KATNBL1: variants seen among roughly 807,000 people sequenced by gnomAD.
KATNBL1 encodes KATNB1-like protein 1.
In KATNBL1, 28 loss-of-function variants were observed where a neutral mutation model predicts 44.7. The observed-to-expected ratio is 0.63, with a 90% CI of 0.46 to 0.86. KATNBL1 has a LOEUF of 0.86. KATNBL1 is among the 40% of genes least tolerant of loss of function. The probability of loss-of-function intolerance (pLI) is 0.00; values close to 1 mark genes in which losing one functional copy is unlikely to be tolerated. For missense variants in KATNBL1, 272 were observed against 350.7 expected (o/e 0.78, Z 1.79); for synonymous variants, 78 against 114.9 (o/e 0.68, Z 2.06).
At chr15:34,172,760 G>GAC (rs34182114) in intron 1 of KATNBL1, among the ~76,000 whole-genome samples, 8,046 of 146,418 alleles carry the variant, frequency 0.055, 239 homozygotes, top group Non-Finnish European at 0.069. Flanking sequence ...CACAGACACA[G>GAC]ACACACACAC....
At chr15:34,172,253 A>ATTTTT (rs1260376752) in intron 1 of KATNBL1, among the ~76,000 whole-genome samples, 1 of 46,860 alleles carries the variant, frequency 2.1e-5, no homozygotes, top group Non-Finnish European at 4.6e-5. Flanking sequence ...GGAGGAACAT[A>ATTTTT]TTCTTTTTTT....
chr15:34,161,258 T>C (rs938940928), intron 2 of KATNBL1, among the ~76,000 whole-genome samples: 2 of 152,178 alleles, frequency 1.3e-5, no homozygotes, highest in African/African-American at 4.8e-5. Context: ...TTATTTTTTT[T>C]CCCCCAAGTT....
In KATNBL1 at chr15:34,188,137, T is replaced by TAAAAAA. The variant is rs1201268078; in HGVS notation, c.-15+21808_-15+21813dup. On this transcript the variant is annotated intron_variant, in intron 1 of 9. Coordinates refer to ENST00000256544, the MANE Select transcript of KATNBL1 (RefSeq NM_024713.3). The stretch of plus-strand genomic sequence containing the variant: ...CTGGGTGACAGAGGAAGACGCCATG[T>TAAAAAA]AAAAAAAAAAAAAAAAAAAAAAAAA... Among the ~76,000 whole-genome samples, 102 of 22,098 alleles carry TAAAAAA rather than the reference T, an allele frequency of 4.6e-3. 10 individuals are homozygous for TAAAAAA. Among genetic ancestry groups the TAAAAAA allele is most frequent in the South Asian group, 0.014 (4 of 290 alleles). The allele number at this position is 22,098 out of a possible 152,430, so 14.5% of individuals were successfully genotyped here. A position where few individuals can be genotyped will look rare whatever the true frequency, so the allele number is the denominator to read the frequency against.
chr15:34,189,558 A>T (rs575108014), intron 1 of KATNBL1, among the ~76,000 whole-genome samples: 1 of 152,246 alleles, frequency 6.6e-6, no homozygotes, highest in African/African-American at 2.4e-5. Context: ...AAAAAACTTG[A>T]TATCACAAAA....
chr15:34,207,625 C>G (rs1163398809), intron 1 of KATNBL1, among the ~76,000 whole-genome samples: 1 of 204 alleles, frequency 4.9e-3, no homozygotes, highest in African/African-American at 0.015. Context: ...CAGGTGTGAG[C>G]CACACCAGTT....
chr15:34,140,999 C>T lies in KATNBL1; in HGVS notation c.*1340G>A, dbSNP rs1000939662. 1 of 152,152 alleles carries T rather than the reference C, an allele frequency of 6.6e-6. No individual in the cohort carries two copies. The highest frequency in any genetic ancestry group is 6.5e-5 in the Admixed American group (1 of 15,268). The allele number at this position is 152,152 out of a possible 1,614,324, so 9.4% of individuals were successfully genotyped here. A position where few individuals can be genotyped will look rare whatever the true frequency, so the allele number is the denominator to read the frequency against. On this transcript the variant is annotated 3_prime_UTR_variant, in exon 10 of 10. Coordinates refer to ENST00000256544, the MANE Select transcript of KATNBL1 (RefSeq NM_024713.3). ...TAAACGAATAAATGCTAAAGGTTTA[C>T]ATTCAAGTGCTTGAAGGACTACTGC...
rs1435542996 is a variant in KATNBL1, at chr15:34,151,717, C to A, written c.438+1073G>T. Among the ~76,000 whole-genome samples the A allele has an allele frequency of 3.9e-5, 6 of 151,906 alleles. No homozygotes were observed. The East Asian group carries it at 1.2e-3, about 29-fold the overall frequency. On this transcript the variant is annotated intron_variant, in intron 4 of 9. Transcript: ENST00000256544. ...TGGCCTCCCAAAGTGTGCCACCATG[C>A]CTAGCTAATTTTTGTATTTCTAGTA...
chr15:34,184,570 A>ATCTTT (rs1381320511), intron 1 of KATNBL1, among the ~76,000 whole-genome samples: 1 of 23,238 alleles, frequency 4.3e-5, no homozygotes, highest in Non-Finnish European at 8.9e-5. Context: ...GTCTCTCCTA[A>ATCTTT]TGTTTCTTTT....
intron 1 of KATNBL1, among the ~76,000 whole-genome samples, chr15:34,166,916 A>G (rs970204154): frequency 6.6e-6 from 1 of 152,198 alleles, no homozygotes. Context: ...CAAAAAGGAC[A>G]TCCACACCAA....
intron 1 of KATNBL1, among the ~76,000 whole-genome samples, chr15:34,204,825 TG>T (rs151155614): frequency 0.026 from 3,914 of 152,290 alleles, 175 homozygotes; most frequent in African/African-American, 0.09. Context: ...AAAAGGTAGT[TG>T]GCTAAAATGC....
At chr15:34,206,665 C>A (rs1439185329) in intron 1 of KATNBL1, among the ~76,000 whole-genome samples, 3 of 152,006 alleles carry the variant, frequency 2.0e-5, no homozygotes, top group Admixed American at 1.3e-4. Flanking sequence ...GTGGTGGGTG[C>A]TTGTAATCCC....
chr15:34,202,716 C>T (rs1336027338), intron 1 of KATNBL1, among the ~76,000 whole-genome samples: 2 of 152,114 alleles, frequency 1.3e-5, no homozygotes, highest in Admixed American at 1.3e-4. Flanking sequence ...CTCGGCCAGG[C>T]GCGGTGGTTC....
rs149596860 is a variant in KATNBL1 at position 34,154,046 on chromosome 15, T to A, written c.158+598A>T. Among the ~76,000 whole-genome samples, 981 of 152,348 alleles carry A rather than the reference T, an allele frequency of 6.4e-3. 8 individuals carry two copies. The highest frequency in any genetic ancestry group is 0.023 in the African/African-American group (946 of 41,578). On this transcript the variant is annotated intron_variant, in intron 3 of 9. Transcript: ENST00000256544. ...GTGAGAAGAATGGTACTGTTTTACATTTTTATATATCTCTAATATCTGGTT... is the reference window on the plus strand; with the variant it reads ...GTGAGAAGAATGGTACTGTTTTACAATTTTATATATCTCTAATATCTGGTT...
At chr15:34,189,658 C>T (rs1406874165) in intron 1 of KATNBL1, among the ~76,000 whole-genome samples, 1 of 152,146 alleles carries the variant, frequency 6.6e-6, no homozygotes, top group Non-Finnish European at 1.5e-5. Flanking sequence ...GAGACAGTTT[C>T]CTAAACAAAA....
intron 9 of KATNBL1, among the ~76,000 whole-genome samples, chr15:34,143,793 CAAAAAAAAA>C (rs560420668): frequency 2.0e-4 from 13 of 64,158 alleles, no homozygotes; most frequent in South Asian, 5.7e-4. Context: ...ACTAAAAATA[CAAAAAAAAA>C]AAAAAAAAAA....
intron 1 of KATNBL1, among the ~76,000 whole-genome samples, chr15:34,175,815 A>G (rs961593671): frequency 4.0e-5 from 6 of 151,738 alleles, no homozygotes; most frequent in Non-Finnish European, 8.8e-5. Flanking sequence ...CAGTGAGCCC[A>G]GATCACGCCA....
intron 2 of KATNBL1, among the ~76,000 whole-genome samples, chr15:34,163,136 C>T (rs915196676): frequency 2.0e-4 from 30 of 151,278 alleles, no homozygotes; most frequent in African/African-American, 1.2e-4. Flanking sequence ...TTCCACCGCC[C>T]GGGTTCAAGT....
At chr15:34,196,959 C>A (rs1441857620) in intron 1 of KATNBL1, among the ~76,000 whole-genome samples, 2 of 152,192 alleles carry the variant, frequency 1.3e-5, no homozygotes, top group Admixed American at 6.5e-5. Context: ...CAATTAATTT[C>A]ATGGAAACAA....
intron 7 of KATNBL1, 68 bp from the exon 8 acceptor site, chr15:34,146,918 C>A: frequency 1.0e-6 from 1 of 992,384 alleles, no homozygotes; most frequent in Non-Finnish European, 1.6e-6. Flanking sequence ...AAAGATGATA[C>A]TTTCCCTCCC....
Sources: allele counts gnomAD v4.1 joint callset (sites outside exome capture counted in the v4.1 genomes callset), GRCh38; gene constraint gnomAD v4.1.1; transcripts MANE v1.5; gene names NCBI Gene and HGNC (gene_info 2026-07-23, HGNC 2026-07-21).